Variants in PTPN13 observed in about 807,000 individuals in gnomAD.
PTPN13 encodes tyrosine-protein phosphatase non-receptor type 13.
In PTPN13, 191 loss-of-function variants were observed where a neutral mutation model predicts 284.0. The observed-to-expected ratio is 0.67, with a 90% CI of 0.60 to 0.76. The LOEUF is 0.76. PTPN13 is among the 30% of genes least tolerant of loss of function. The pLI is 0.00. For synonymous variants in PTPN13, 986 were observed against 1,022.3 expected, an observed-to-expected ratio of 0.96 and a Z score of 0.68; for missense variants, 2,797 against 2,939.9, an observed-to-expected ratio of 0.95 and a Z score of 1.12.
intron 6 of PTPN13, among the ~76,000 whole-genome samples, chr4:86,699,705 T>C (rs1730953403): frequency 1.3e-5 from 2 of 152,230 alleles, no homozygotes; most frequent in South Asian, 4.1e-4. Context: ...ATAAGGCAGA[T>C]GGTTAAGTTC....
rs777683909 is a variant in PTPN13, at chr4:86,809,870, G to A, written c.7185G>A (p.Met2395Ile). Residue 2395 changes from methionine to isoleucine, a missense_variant, in exon 46 of 48, where the codon ATG (methionine) becomes ATA (isoleucine). Transcript: ENST00000411767. ...ATCTGCTTACTTTTATCTCCTACAT[G>A]AGACACATCCACAGATCAGGCCCAA... is the stretch of plus-strand genomic sequence containing the variant. ...PDDLLTFISYMRHIHRSGPII... is the reference protein window; with the variant it reads ...PDDLLTFISYIRHIHRSGPII... 34 of 1,613,848 alleles carry A rather than the reference G, an allele frequency of 2.1e-5. No individual in the cohort carries two copies. In the Admixed American group the frequency reaches 5.3e-4, roughly 25 times the overall value.
chr4:86,774,283 C>A (rs973559716), intron 32 of PTPN13, 90 bp from the exon 33 acceptor site: 5 of 1,281,316 alleles, frequency 3.9e-6, no homozygotes, highest in Non-Finnish European at 4.3e-6. Flanking sequence ...GTTTGACTTT[C>A]TCCTCTGTTA....
At chr4:86,642,741 C>T (rs1723959078) in intron 2 of PTPN13, among the ~76,000 whole-genome samples, 1 of 152,046 alleles carries the variant, frequency 6.6e-6, no homozygotes, top group Non-Finnish European at 1.5e-5. Flanking sequence ...AGGCGTGAGC[C>T]ACCGCGCCTG....
At chr4:86,607,266 A>AAGAT (rs1177355402) in intron 1 of PTPN13, among the ~76,000 whole-genome samples, 3 of 151,858 alleles carry the variant, frequency 2.0e-5, no homozygotes, top group Non-Finnish European at 4.4e-5. Context: ...AATATTTTAA[A>AAGAT]AGATATCTAT....
chr4:86,637,573 A>G (rs1723176396), intron 2 of PTPN13, among the ~76,000 whole-genome samples: 1 of 138,262 alleles, frequency 7.2e-6, no homozygotes, highest in Admixed American at 7.1e-5. Flanking sequence ...AACCAAAGAC[A>G]AAAACCACAT....
intron 45 of PTPN13, among the ~76,000 whole-genome samples, chr4:86,808,364 A>C (rs1285436922): frequency 6.6e-6 from 1 of 152,248 alleles, no homozygotes; most frequent in Non-Finnish European, 1.5e-5. Flanking sequence ...TTCATACTGC[A>C]GTTACCTAAC....
chr4:86,787,210 ACTT>A (rs1470221253), intron 40 of PTPN13, among the ~76,000 whole-genome samples: 2 of 152,008 alleles, frequency 1.3e-5, no homozygotes, highest in African/African-American at 4.8e-5. Flanking sequence ...ATGGCAGAAA[ACTT>A]CTTTCAAGTT....
intron 19 of PTPN13, 35 bp from the exon 20 acceptor site, chr4:86,752,974 C>T (rs1400204215): frequency 6.7e-7 from 1 of 1,502,442 alleles, no homozygotes; most frequent in Middle Eastern, 1.7e-4. Context: ...ATCTGACCAT[C>T]TTATGAAATG....
intron 20 of PTPN13, among the ~76,000 whole-genome samples, chr4:86,754,335 A>G (rs2149218573): frequency 6.6e-6 from 1 of 152,180 alleles, no homozygotes; most frequent in South Asian, 2.1e-4. Flanking sequence ...TAGAATGCCT[A>G]TATACCTGAA....
At chr4:86,670,707 A>G (rs111836375) in intron 2 of PTPN13, among the ~76,000 whole-genome samples, 4 of 152,218 alleles carry the variant, frequency 2.6e-5, no homozygotes, top group East Asian at 1.9e-4. Flanking sequence ...TTGTTTTGTG[A>G]TATCTGTGAC....
At chr4:86,783,650 A>C (rs958998920) in intron 37 of PTPN13, among the ~76,000 whole-genome samples, 4 of 152,002 alleles carry the variant, frequency 2.6e-5, no homozygotes, top group African/African-American at 9.7e-5. Flanking sequence ...TTATATTACC[A>C]CTATTTATTT....
intron 38 of PTPN13, 122 bp downstream of exon 38, chr4:86,784,680 A>G (rs952423685): frequency 6.3e-6 from 4 of 639,102 alleles, no homozygotes; most frequent in African/African-American, 1.9e-5. Flanking sequence ...GGGAAAGATT[A>G]TTGGTCAAAT....
intron 17 of PTPN13, among the ~76,000 whole-genome samples, chr4:86,747,852 G>A (rs899245603): frequency 1.2e-4 from 19 of 152,252 alleles, no homozygotes; most frequent in South Asian, 2.1e-4. Flanking sequence ...ATCTGTGGGC[G>A]GTTAATGGGC....
chr4:86,813,625 C>CCAT (rs1263749644), intron 47 of PTPN13, among the ~76,000 whole-genome samples: 1 of 152,054 alleles, frequency 6.6e-6, no homozygotes, highest in Non-Finnish European at 1.5e-5. Context: ...TGGGATTTCA[C>CCAT]CATGTTGGCC....
chr4:86,617,781 T>C (rs1305853978), intron 1 of PTPN13, among the ~76,000 whole-genome samples: 1 of 152,230 alleles, frequency 6.6e-6, no homozygotes, highest in Non-Finnish European at 1.5e-5. Context: ...TGGGGTTTTT[T>C]TTCTTGTAAA....
chr4:86,740,205 T>C (rs528503549), intron 15 of PTPN13, among the ~76,000 whole-genome samples: 1 of 152,192 alleles, frequency 6.6e-6, no homozygotes, highest in Non-Finnish European at 1.5e-5. Context: ...GTGTGCAGGC[T>C]CCAACCCCAC....
intron 5 of PTPN13, among the ~76,000 whole-genome samples, chr4:86,689,429 A>G (rs1051525538): frequency 3.9e-5 from 6 of 152,214 alleles, no homozygotes; most frequent in African/African-American, 2.4e-5. Context: ...GAATGATAGC[A>G]TGTTTGAGCT....
chr4:86,598,664 A>G (rs1282313066), intron 1 of PTPN13, among the ~76,000 whole-genome samples: 1 of 152,178 alleles, frequency 6.6e-6, no homozygotes, highest in Non-Finnish European at 1.5e-5. Flanking sequence ...TTTGTTGCAT[A>G]CTTCATCTGT....
chr4:86,644,151 G>A (rs929279793), intron 2 of PTPN13, among the ~76,000 whole-genome samples: 6 of 147,480 alleles, frequency 4.1e-5, no homozygotes, highest in Admixed American at 6.8e-5. Context: ...TTTTCTTTTC[G>A]GAGACAGAAA....
Sources: allele counts gnomAD v4.1 joint callset (sites outside exome capture counted in the v4.1 genomes callset), GRCh38; gene constraint gnomAD v4.1.1; transcripts MANE v1.5; gene names NCBI Gene and HGNC (gene_info 2026-07-23, HGNC 2026-07-21).